The following PRSS48 variants were observed in gnomAD, a reference collection of about 807,000 sequenced individuals.
PRSS48 encodes the protein serine protease 48.
A neutral mutation model predicts 25.6 loss-of-function variants in PRSS48; 21 were observed. The ratio of observed to expected loss-of-function variants is 0.82; its 90% CI spans 0.58 to 1.18. The LOEUF is 1.18. Ranked by LOEUF, PRSS48 falls within the 50% of genes most tolerant of loss-of-function variation. The probability of loss-of-function intolerance (pLI) is 0.00; values close to 1 mark genes in which losing one functional copy is unlikely to be tolerated. For synonymous variants in PRSS48, 150 were observed against 149.3 expected, an observed-to-expected ratio of 1.00 and a Z score of -0.04; for missense variants, 373 against 399.3, an observed-to-expected ratio of 0.93 and a Z score of 0.56.
chr4:151,284,956 T>C lies in PRSS48; in HGVS notation c.651+1670T>C, dbSNP rs377544346. ...CGCTCTGTGGCTCTCTCCTTTCTGG[T>C]ATATTTCCCTGCACTTTCCAACTGC... is the stretch of plus-strand genomic sequence containing the variant. On this transcript the variant is annotated intron_variant, in intron 4 of 4. Coordinates refer to ENST00000455694, the Ensembl canonical transcript of PRSS48. Among the ~76,000 whole-genome samples the C allele has an allele frequency of 4.6e-5, 7 of 152,320 alleles. No individual in the cohort carries two copies. In the East Asian group the frequency reaches 7.7e-4, roughly 17 times the overall value.
At chr4:151,285,275 G>GAA (rs1363737780) in intron 4 of PRSS48, among the ~76,000 whole-genome samples, 1 of 152,108 alleles carries the variant, frequency 6.6e-6, no homozygotes, top group South Asian at 2.1e-4. Context: ...TTTAAAAACA[G>GAA]AAAGAGTCCT....
intron 2 of PRSS48, 36 bp from the exon 3 acceptor site, chr4:151,282,112 C>T: frequency 6.2e-7 from 1 of 1,607,266 alleles, no homozygotes; most frequent in Non-Finnish European, 8.5e-7. Flanking sequence ...GACCCAGCTG[C>T]AGGCCATAAG....
exon 5 of PRSS48, chr4:151,291,403 A>G: frequency 3.7e-6 from 6 of 1,614,000 alleles, no homozygotes; most frequent in South Asian, 1.1e-5. Flanking sequence ...TGTTGCTTGC[A>G]TACAGGGCTG....
chr4:151,287,652 T>C (rs975136366), intron 4 of PRSS48, among the ~76,000 whole-genome samples: 3 of 152,172 alleles, frequency 2.0e-5, no homozygotes, highest in African/African-American at 4.8e-5. Flanking sequence ...CCCAGCACTT[T>C]GAGAGGCCAA....
At chr4:151,280,700 AG>A (rs1373288703) in intron 2 of PRSS48, among the ~76,000 whole-genome samples, 1 of 152,140 alleles carries the variant, frequency 6.6e-6, no homozygotes, top group Non-Finnish European at 1.5e-5. Context: ...CTGAGGTAGA[AG>A]GATCACTTGA....
At chr4:151,279,564 C>T (rs1421211728) in intron 1 of PRSS48, among the ~76,000 whole-genome samples, 1 of 152,136 alleles carries the variant, frequency 6.6e-6, no homozygotes, top group African/African-American at 2.4e-5. Flanking sequence ...CCTATTTCTT[C>T]CTTAGGTTCT....
intron 4 of PRSS48, among the ~76,000 whole-genome samples, chr4:151,283,918 A>G (rs572586800): frequency 3.9e-5 from 6 of 152,300 alleles, no homozygotes; most frequent in Non-Finnish European, 8.8e-5. Flanking sequence ...CCTGGTCATA[A>G]CTGATGAAAA....
At chr4:151,290,731 C>T (rs76480650) in intron 4 of PRSS48, among the ~76,000 whole-genome samples, 2,955 of 152,222 alleles carry the variant, frequency 0.019, 47 homozygotes, top group Middle Eastern at 0.037. Context: ...AAGACTACTA[C>T]CAACAACTAT....
rs117429270 is a variant in PRSS48, at chr4:151,285,072, G to A, written c.651+1786G>A. Among the ~76,000 whole-genome samples, 176 of 152,206 alleles carry A rather than the reference G, an allele frequency of 1.2e-3. 6 individuals are homozygous for A. The East Asian group carries it at 0.028, about 24-fold the overall frequency. On this transcript the variant is annotated intron_variant, in intron 4 of 4. Coordinates refer to ENST00000455694, the Ensembl canonical transcript of PRSS48. ...GCCACTATGCATGATAATGACTGGG[G>A]CCTGCTTTAAGGGAAAAGCCACTTT...
chr4:151,285,375 A>C (rs1020867409), intron 4 of PRSS48, among the ~76,000 whole-genome samples: 6 of 152,342 alleles, frequency 3.9e-5, no homozygotes, highest in Non-Finnish European at 8.8e-5. Flanking sequence ...AGCCTCAATA[A>C]AGTTGGAAGG....
chr4:151,283,252 C>CTGGTGATACTCAAAACATGAAGGATAGT lies in PRSS48; in HGVS notation c.620_647dup (p.Cys216TrpfsTer2), dbSNP rs1561429604. On this transcript the variant is annotated frameshift_variant, in exon 4 of 5. Transcript: ENST00000455694. LOFTEE classifies it low-confidence loss of function (END_TRUNC). The stretch of plus-strand genomic sequence containing the variant: ...GTCATCAAGGAAGACAAGATTTGTG[C>CTGGTGATACTCAAAACATGAAGGATAGT]TGGTGATACTCAAAACATGAAGGAT... The CTGGTGATACTCAAAACATGAAGGATAGT allele has an allele frequency of 4.3e-6, 7 of 1,613,602 alleles. No individual in the cohort carries two copies. The Admixed American group carries it at 8.3e-5, about 19-fold the overall frequency.
downstream of PRSS48, among the ~76,000 whole-genome samples, chr4:151,291,803 A>G (rs918828542): frequency 2.6e-5 from 4 of 152,120 alleles, 1 homozygote; most frequent in Admixed American, 1.3e-4. Flanking sequence ...ATAAGGGTCT[A>G]CCTCGTGCCC....
At chr4:151,291,533 G>C, downstream of PRSS48, 1 of 996,374 alleles carries the variant, frequency 1.0e-6, no homozygotes, top group South Asian at 1.7e-5. Flanking sequence ...TTTTGATTTT[G>C]GAAGTTTTGG....
chr4:151,280,054 T>TATCAAACCCGAAACAACTAG, intron 2 of PRSS48, 96 bp downstream of exon 2: 3 of 872,644 alleles, frequency 3.4e-6, no homozygotes, highest in South Asian at 4.0e-5. Context: ...AGTGGTAAAA[T>TATCAAACCCGAAACAACTAG]AGGCAGGGCG....
chr4:151,283,052 G>T, intron 3 of PRSS48, 65 bp from the exon 4 acceptor site: 2 of 1,487,376 alleles, frequency 1.3e-6, no homozygotes, highest in South Asian at 2.4e-5. Context: ...TGCACATCAT[G>T]ACTGAATGCT....
At chr4:151,279,198 G>GA (rs1413157413) in intron 1 of PRSS48, 2 of 263,638 alleles carry the variant, frequency 7.6e-6, no homozygotes, top group Non-Finnish European at 7.3e-6. Context: ...GCACACTAGA[G>GA]AAAGAAGAGA....
chr4:151,283,947 C>T (rs1774495897), intron 4 of PRSS48, among the ~76,000 whole-genome samples: 1 of 152,138 alleles, frequency 6.6e-6, no homozygotes, highest in South Asian at 2.1e-4. Context: ...TTATTTGCAT[C>T]GTCATTCCAT....
chr4:151,284,869 G>A (rs562950954), intron 4 of PRSS48, among the ~76,000 whole-genome samples: 2 of 152,260 alleles, frequency 1.3e-5, no homozygotes, highest in African/African-American at 4.8e-5. Context: ...ACCTGCACAT[G>A]TATGTAATTC....
chr4:151,287,704 G>A (rs987160847), intron 4 of PRSS48, among the ~76,000 whole-genome samples: 1 of 152,074 alleles, frequency 6.6e-6, no homozygotes, highest in Non-Finnish European at 1.5e-5. Context: ...AGACTAGACT[G>A]GGCAACATAG....
Sources: allele counts gnomAD v4.1 joint callset (sites outside exome capture counted in the v4.1 genomes callset), GRCh38; gene constraint gnomAD v4.1.1; transcripts MANE v1.5; gene names NCBI Gene and HGNC (gene_info 2026-07-23, HGNC 2026-07-21).